DNAH5: variants seen among roughly 807,000 people sequenced by gnomAD.
DNAH5 encodes the protein dynein axonemal heavy chain 5.
In DNAH5, 372 loss-of-function variants were observed where a neutral mutation model predicts 518.2. That is an observed-to-expected ratio of 0.72 (90% CI 0.66 to 0.78). The LOEUF (loss-of-function observed/expected upper bound fraction) is 0.78, where lower values mean the gene tolerates loss of function less well. Among genes scored for constraint, DNAH5 ranks in the 30% least tolerant of loss-of-function variants. The pLI is 0.00. For missense variants in DNAH5, 5,523 were observed against 5,687.0 expected, an observed-to-expected ratio of 0.97 and a Z score of 0.93; for synonymous variants, 2,039 against 2,025.9, an observed-to-expected ratio of 1.01 and a Z score of -0.17.
chr5:13,781,322 G>A (rs1206445134), intron 52 of DNAH5, among the ~76,000 whole-genome samples: 4 of 152,158 alleles, frequency 2.6e-5, no homozygotes. Flanking sequence ...ACAGGAAGGA[G>A]AACAGAAATG....
At chr5:13,728,158 C>T (rs187573461) in intron 69 of DNAH5, among the ~76,000 whole-genome samples, 28 of 152,218 alleles carry the variant, frequency 1.8e-4, no homozygotes, top group Middle Eastern at 3.4e-3. Flanking sequence ...ATTGGAAATA[C>T]GCCAGTTAAT....
chr5:13,733,107 T>C (rs761269048), intron 68 of DNAH5, among the ~76,000 whole-genome samples: 7 of 152,190 alleles, frequency 4.6e-5, no homozygotes, highest in Non-Finnish European at 8.8e-5. Flanking sequence ...GCATATCCTA[T>C]GTATCAGGAT....
intron 75 of DNAH5, 127 bp from the exon 76 acceptor site, chr5:13,708,462 T>G: frequency 1.2e-6 from 1 of 864,582 alleles, no homozygotes; most frequent in Non-Finnish European, 1.8e-6. Flanking sequence ...TTCTAATTTA[T>G]TGCATGGCAA....
intron 1 of DNAH5, among the ~76,000 whole-genome samples, chr5:13,968,249 C>A (rs1273878204): frequency 2.0e-5 from 3 of 152,130 alleles, no homozygotes; most frequent in Non-Finnish European, 4.4e-5. Flanking sequence ...ACTATCATAT[C>A]ATCAGAGAAC....
chr5:13,756,544 G>C (rs1751019791), intron 61 of DNAH5, among the ~76,000 whole-genome samples: 2 of 152,194 alleles, frequency 1.3e-5, no homozygotes, highest in Admixed American at 1.3e-4. Context: ...TTTTCACTGT[G>C]TTCAGTAGAG....
At chr5:13,723,018 C>A (rs1314681075) in intron 70 of DNAH5, among the ~76,000 whole-genome samples, 1 of 152,214 alleles carries the variant, frequency 6.6e-6, no homozygotes, top group Non-Finnish European at 1.5e-5. Context: ...CACAGAGAGG[C>A]TCACCCCTTC....
At chr5:13,929,712 G>A (rs1580938940) in intron 2 of DNAH5, among the ~76,000 whole-genome samples, 1 of 152,248 alleles carries the variant, frequency 6.6e-6, no homozygotes, top group East Asian at 1.9e-4. Context: ...CTGTGCTTGA[G>A]AGCCTGAGCC....
chr5:13,707,385 GA>G lies in DNAH5; in HGVS notation c.13338+737del, dbSNP rs1453209551. Among the ~76,000 whole-genome samples, 1 of 152,208 alleles carries G rather than the reference GA, an allele frequency of 6.6e-6. No homozygotes were observed. Among genetic ancestry groups the G allele is most frequent in the African/African-American group, 2.4e-5 (1 of 41,460 alleles). ...CACTAGAGCAAGAACCCAGGAAACA[GA>G]AAGCCCTCTGTCCTTGCGATAAAGA... On this transcript the variant is annotated intron_variant, in intron 76 of 78. Coordinates refer to ENST00000265104, the MANE Select transcript of DNAH5 (RefSeq NM_001369.3). The surrounding 1 kb of genome is among the most constrained non-coding windows in gnomAD (Gnocchi z 4.0).
At chr5:13,867,196 A>C (rs1769378235) in intron 25 of DNAH5, among the ~76,000 whole-genome samples, 1 of 152,170 alleles carries the variant, frequency 6.6e-6, no homozygotes, top group African/African-American at 2.4e-5. Context: ...TGTTGAAATT[A>C]TTATGTATGA....
At chr5:13,925,695 A>G (rs1777794075) in intron 3 of DNAH5, among the ~76,000 whole-genome samples, 1 of 152,232 alleles carries the variant, frequency 6.6e-6, no homozygotes, top group Admixed American at 6.5e-5. Flanking sequence ...CCATAAGTCA[A>G]TCACCTCCCA....
intron 68 of DNAH5, among the ~76,000 whole-genome samples, chr5:13,733,030 A>C (rs1256632053): frequency 6.6e-6 from 1 of 152,174 alleles, no homozygotes; most frequent in East Asian, 1.9e-4. Flanking sequence ...AGTCCAACCC[A>C]TACAAGCATC....
Position 13,793,916 on chromosome 5 carries a change from G to A in DNAH5, c.8010+20C>T. 6.2e-7 allele frequency: 1 copy of A among 1,613,178 alleles called. No homozygotes were observed. The highest frequency in any genetic ancestry group is 8.5e-7 in the Non-Finnish European group (1 of 1,179,488). ...CAATACCAAATTAAAGAAATAAAAT[G>A]CACAATAGAATGATGATACCTGATC... On this transcript the variant is annotated intron_variant, in intron 48 of 78. Coordinates refer to ENST00000265104, the MANE Select transcript of DNAH5 (RefSeq NM_001369.3).
rs1171371561 is a variant in DNAH5, at chr5:13,823,390, A to C, written c.6580-20T>G. 4 of 1,486,580 alleles carry C rather than the reference A, an allele frequency of 2.7e-6. No homozygotes were observed. The highest frequency in any genetic ancestry group is 1.4e-5 in the African/African-American group (1 of 72,468). The allele number at this position is 1,486,580 out of a possible 1,614,324, so 92.1% of individuals were successfully genotyped here. On this transcript the variant is annotated intron_variant, in intron 39 of 78. Coordinates refer to ENST00000265104, the MANE Select transcript of DNAH5 (RefSeq NM_001369.3). ...ATCAATCTAAAAAAAGAAAATGGGA[A>C]ATCAGACCAATTATTCTGGTATAAA...
chr5:13,808,880 A>G (rs1760109964), intron 46 of DNAH5, among the ~76,000 whole-genome samples, 164 bp downstream of exon 46: 2 of 152,116 alleles, frequency 1.3e-5, no homozygotes, highest in African/African-American at 2.4e-5. Context: ...GAATGGCGTG[A>G]ACCCGGGAGG....
intron 75 of DNAH5, among the ~76,000 whole-genome samples, chr5:13,713,378 CAT>C (rs200284707): frequency 2.3e-5 from 3 of 129,970 alleles, no homozygotes; most frequent in Non-Finnish European, 4.8e-5. Context: ...TATATACCGA[CAT>C]ATATATATAC....
chr5:13,944,089 A>G (rs1027148363), intron 1 of DNAH5, among the ~76,000 whole-genome samples: 1 of 152,226 alleles, frequency 6.6e-6, no homozygotes. Flanking sequence ...TGCCCAAACC[A>G]CTATGAATGT....
At chr5:13,993,920 T>C (rs993801664) in intron 1 of DNAH5, among the ~76,000 whole-genome samples, 5 of 152,192 alleles carry the variant, frequency 3.3e-5, no homozygotes, top group African/African-American at 7.2e-5. Flanking sequence ...AGGTATATAA[T>C]GCAACCCATT....
intron 15 of DNAH5, chr5:13,898,509 T>C: frequency 2.5e-6 from 1 of 398,592 alleles, no homozygotes; most frequent in East Asian, 3.6e-5. Flanking sequence ...AACTTTTTAA[T>C]ATGACATGAA....
intron 15 of DNAH5, chr5:13,898,054 C>G (rs956318806): frequency 6.6e-6 from 1 of 152,226 alleles, no homozygotes; most frequent in African/African-American, 2.4e-5. Flanking sequence ...TGGAGTGTAC[C>G]TTCCAGCTTT....
Sources: allele counts gnomAD v4.1 joint callset (sites outside exome capture counted in the v4.1 genomes callset), GRCh38; gene constraint gnomAD v4.1.1; non-coding constraint Gnocchi (gnomAD v3.1); transcripts MANE v1.5; gene names NCBI Gene and HGNC (gene_info 2026-07-23, HGNC 2026-07-21).